HSPA4: variants seen among roughly 807,000 people sequenced by gnomAD.
HSPA4 encodes the protein heat shock 70 kDa protein 4.
Under a neutral mutation model 106.2 loss-of-function variants are expected in HSPA4, and 25 were observed. That is an observed-to-expected ratio of 0.24 (90% confidence interval 0.17 to 0.33). The LOEUF is 0.33. HSPA4 is among the 10% of genes least tolerant of loss of function. HSPA4 has a pLI of 1.00. For missense variants in HSPA4, 841 were observed against 996.0 expected (o/e 0.84, Z 2.10); for synonymous variants, 332 against 333.6 (o/e 1.00, Z 0.05).
At chr5:133,095,869 CCT>C (rs557252025) in intron 13 of HSPA4, among the ~76,000 whole-genome samples, 141 of 152,232 alleles carry the variant, frequency 9.3e-4, no homozygotes, top group African/African-American at 3.3e-3. Flanking sequence ...TCCCCCATCC[CCT>C]GACAGCCACT....
intron 8 of HSPA4, among the ~76,000 whole-genome samples, chr5:133,088,007 T>G (rs1222681023): frequency 2.6e-5 from 4 of 152,190 alleles, no homozygotes; most frequent in Admixed American, 2.6e-4. Context: ...TTTTTTTTCC[T>G]TTAATGTCAG....
chr5:133,078,673 C>T (rs966192460), intron 7 of HSPA4, among the ~76,000 whole-genome samples: 2 of 146,044 alleles, frequency 1.4e-5, no homozygotes, highest in South Asian at 4.6e-4. Context: ...ACTGTATTTA[C>T]ATCATCAGAA....
intron 1 of HSPA4, chr5:133,052,799 G>A (rs1412424210): frequency 6.5e-6 from 1 of 154,568 alleles, no homozygotes; most frequent in Non-Finnish European, 1.4e-5. Flanking sequence ...GGGTTCTGGG[G>A]CTTGCCAGCC....
At chr5:133,072,741 GTA>G (rs1765400585) in intron 4 of HSPA4, among the ~76,000 whole-genome samples, 1 of 151,908 alleles carries the variant, frequency 6.6e-6, no homozygotes, top group Admixed American at 6.6e-5. Context: ...TGTCACATTG[GTA>G]CCCTATACCT....
chr5:133,102,003 T>C (rs573272378), intron 17 of HSPA4, 125 bp downstream of exon 17: 116 of 610,800 alleles, frequency 1.9e-4, no homozygotes, highest in Non-Finnish European at 2.8e-4. Flanking sequence ...CTCGGCTCAG[T>C]GCAACCTCCA....
At chr5:133,086,541 C>G (rs1322435085) in intron 7 of HSPA4, among the ~76,000 whole-genome samples, 1 of 152,118 alleles carries the variant, frequency 6.6e-6, no homozygotes, top group Non-Finnish European at 1.5e-5. Context: ...GGCTATATAC[C>G]TAGAATGGAA....
chr5:133,052,043 T>G lies in HSPA4; in HGVS notation c.-208T>G, dbSNP rs1765085033. On this transcript the variant is annotated 5_prime_UTR_variant, in exon 1 of 19. Coordinates refer to ENST00000304858, the MANE Select transcript of HSPA4 (RefSeq NM_002154.4). Reference sequence around the variant, plus strand: ...CTTCTCCGCCCCCGCTACCGGCGCCTCCTCTGCGGCCACTGAGCCGGAGCC... The same window carrying G: ...CTTCTCCGCCCCCGCTACCGGCGCCGCCTCTGCGGCCACTGAGCCGGAGCC... 2 of 527,552 alleles carry G rather than the reference T, an allele frequency of 3.8e-6. No individual in the cohort carries two copies. Among genetic ancestry groups the G allele is most frequent in the South Asian group, 4.7e-5 (2 of 42,456 alleles). 32.7% of individuals were successfully genotyped at this position (527,552 alleles called of 1,614,324 possible). A position where few individuals can be genotyped will look rare whatever the true frequency, so the allele number is the denominator to read the frequency against.
intron 8 of HSPA4, 131 bp from the exon 9 acceptor site, chr5:133,088,273 G>A: frequency 1.5e-6 from 1 of 646,688 alleles, no homozygotes; most frequent in Non-Finnish European, 2.8e-6. Context: ...GTGGGCATGA[G>A]TATGTGTGTG....
At chr5:133,057,305 A>G (rs1765177552) in intron 1 of HSPA4, among the ~76,000 whole-genome samples, 1 of 151,836 alleles carries the variant, frequency 6.6e-6, no homozygotes, top group Non-Finnish European at 1.5e-5. Flanking sequence ...CTATTGTTGA[A>G]GAAAGTGAAT....
At chr5:133,089,357 A>C (rs10075878) in intron 10 of HSPA4, among the ~76,000 whole-genome samples, 196 bp downstream of exon 10, 3 of 151,986 alleles carry the variant, frequency 2.0e-5, no homozygotes, top group Non-Finnish European at 4.4e-5. Flanking sequence ...TGAAATCATC[A>C]GTGCCTTTTA....
In HSPA4 at chr5:133,104,045, T is replaced by C. The variant is rs749882908; in HGVS notation, c.2319+19T>C. On this transcript the variant is annotated intron_variant, in intron 18 of 18. Transcript: ENST00000304858. Reference sequence around the variant, plus strand: ...AATTAAGGTAATTTAAGACTTTTTTTTAATAGTCTTTTCTTGACAGCCTTA... The same window carrying C: ...AATTAAGGTAATTTAAGACTTTTTTCTAATAGTCTTTTCTTGACAGCCTTA... 1.9e-6 allele frequency: 3 copies of C among 1,591,056 alleles called. No homozygotes were observed. The African/African-American group carries it at 4.0e-5, about 21-fold the overall frequency.
Position 133,073,349 on chromosome 5 carries a change from A to C in HSPA4, c.529+20A>C, listed in dbSNP as rs1554088946. On this transcript the variant is annotated intron_variant, in intron 5 of 18. Transcript: ENST00000304858. ...CTGCAGGTAAGGAGGACCGTTGATT[A>C]TTTTTTTGACTTGGTTAATCTTGAA... 3 of 1,478,326 alleles carry C rather than the reference A, an allele frequency of 2.0e-6. No individual in the cohort carries two copies. In the South Asian group the frequency reaches 3.6e-5, roughly 18 times the overall value. The allele number at this position is 1,478,326 out of a possible 1,614,324, so 91.6% of individuals were successfully genotyped here.
At chr5:133,056,862 T>C (rs1216167056) in intron 1 of HSPA4, among the ~76,000 whole-genome samples, 1 of 152,228 alleles carries the variant, frequency 6.6e-6, no homozygotes, top group African/African-American at 2.4e-5. Context: ...ATGAGAATTA[T>C]AATGAGTTAA....
At chr5:133,099,116 T>G (rs1765752139) in intron 15 of HSPA4, among the ~76,000 whole-genome samples, 1 of 152,034 alleles carries the variant, frequency 6.6e-6, no homozygotes, top group Non-Finnish European at 1.5e-5. Context: ...TCCCATCTCC[T>G]TACTCCCCCT....
At chr5:133,101,906 T>C (rs2126718068) in intron 17 of HSPA4, 28 bp downstream of exon 17, 4 of 1,438,126 alleles carry the variant, frequency 2.8e-6, no homozygotes, top group South Asian at 1.3e-5. Flanking sequence ...CCTACTCTTA[T>C]TTTAGTAAAG....
chr5:133,059,258 G>A (rs1299427045), intron 1 of HSPA4, among the ~76,000 whole-genome samples: 1 of 151,908 alleles, frequency 6.6e-6, no homozygotes, highest in Non-Finnish European at 1.5e-5. Context: ...GACCAGCCTG[G>A]CCAAGATGGG....
chr5:133,068,883 G>C (rs985672856), intron 3 of HSPA4, among the ~76,000 whole-genome samples: 27 of 152,216 alleles, frequency 1.8e-4, no homozygotes, highest in African/African-American at 6.3e-4. Flanking sequence ...AAAAGTGGTG[G>C]AATTGACCTC....
chr5:133,096,826 G>A (rs557584974), intron 14 of HSPA4, among the ~76,000 whole-genome samples: 2,266 of 152,262 alleles, frequency 0.015, 27 homozygotes, highest in Middle Eastern at 0.037. Context: ...GAATGAATTT[G>A]ATTTTTCTTA....
At chr5:133,066,715 AT>A (rs1260743942) in intron 2 of HSPA4, among the ~76,000 whole-genome samples, 2 of 141,110 alleles carry the variant, frequency 1.4e-5, no homozygotes, top group Non-Finnish European at 3.1e-5. Flanking sequence ...TTTCACTGGA[AT>A]TTTTTTTCTT....
Sources: allele counts gnomAD v4.1 joint callset (sites outside exome capture counted in the v4.1 genomes callset), GRCh38; gene constraint gnomAD v4.1.1; transcripts MANE v1.5; gene names NCBI Gene and HGNC (gene_info 2026-07-23, HGNC 2026-07-21).